SRPK2: variants seen among roughly 807,000 people sequenced by gnomAD.
SRPK2 encodes SFRS protein kinase 2.
Under a neutral mutation model 90.8 loss-of-function variants are expected in SRPK2, and 21 were observed. That is an observed-to-expected ratio of 0.23 (90% CI 0.16 to 0.33). SRPK2 has a LOEUF of 0.33. Among genes scored for constraint, SRPK2 ranks in the 10% least tolerant of loss-of-function variants. The pLI is 1.00. For synonymous variants in SRPK2, 288 were observed against 311.1 expected (o/e 0.93, Z 0.78); for missense variants, 620 against 869.0 (o/e 0.71, Z 3.60).
chr7:105,301,675 G>A, intron 2 of SRPK2: 13 of 1,611,464 alleles, frequency 8.1e-6, no homozygotes, highest in Non-Finnish European at 1.1e-5. Flanking sequence ...TTCCTGGACA[G>A]AAACATATCC....
chr7:105,396,764 G>A (rs1316530753), intron 1 of SRPK2, among the ~76,000 whole-genome samples: 2 of 141,970 alleles, frequency 1.4e-5, no homozygotes, highest in African/African-American at 5.6e-5. Context: ...AGAGGAAAGA[G>A]AGAGAAAGAA....
chr7:105,157,620 C>T (rs1806716693), intron 7 of SRPK2, among the ~76,000 whole-genome samples: 1 of 152,080 alleles, frequency 6.6e-6, no homozygotes, highest in African/African-American at 2.4e-5. Context: ...CACACAAAAC[C>T]AAAACCAAAC....
At chr7:105,363,303 T>C (rs917412836) in intron 2 of SRPK2, among the ~76,000 whole-genome samples, 5 of 152,046 alleles carry the variant, frequency 3.3e-5, no homozygotes, top group Non-Finnish European at 7.4e-5. Flanking sequence ...ATATCCAGAA[T>C]CTACAAAGAA....
intron 2 of SRPK2, among the ~76,000 whole-genome samples, chr7:105,378,923 T>C (rs1820617768): frequency 6.6e-6 from 1 of 152,050 alleles, no homozygotes; most frequent in South Asian, 2.1e-4. Flanking sequence ...TTTACACTTG[T>C]GGGAGAGTAA....
At chr7:105,166,661 C>T (rs959420648) in intron 6 of SRPK2, among the ~76,000 whole-genome samples, 1 of 152,098 alleles carries the variant, frequency 6.6e-6, no homozygotes, top group African/African-American at 2.4e-5. Context: ...AAGGTATTTT[C>T]GATCAAGCAC....
chr7:105,274,646 A>AG (rs953458640), intron 2 of SRPK2, among the ~76,000 whole-genome samples: 30 of 151,402 alleles, frequency 2.0e-4, no homozygotes, highest in African/African-American at 6.8e-4. Flanking sequence ...AAAGAAAGAA[A>AG]AAAAAAAAAC....
chr7:105,246,135 T>A (rs990401396), intron 2 of SRPK2, among the ~76,000 whole-genome samples: 5 of 152,182 alleles, frequency 3.3e-5, no homozygotes, highest in African/African-American at 7.2e-5. Flanking sequence ...ACATAGACCT[T>A]ACAAAATTTC....
intron 7 of SRPK2, among the ~76,000 whole-genome samples, chr7:105,159,127 G>C (rs1415108736): frequency 2.6e-5 from 4 of 151,982 alleles, no homozygotes; most frequent in Non-Finnish European, 4.4e-5. Context: ...ACAATGTAGT[G>C]AACTTTTCCC....
intron 2 of SRPK2, among the ~76,000 whole-genome samples, chr7:105,251,816 G>T (rs1310317716): frequency 6.6e-6 from 1 of 152,140 alleles, no homozygotes; most frequent in African/African-American, 2.4e-5. Flanking sequence ...CAAATTTGGG[G>T]GTTTTGTATT....
intron 2 of SRPK2, among the ~76,000 whole-genome samples, chr7:105,291,485 T>C (rs1387163513): frequency 6.6e-6 from 1 of 152,068 alleles, no homozygotes; most frequent in Non-Finnish European, 1.5e-5. Context: ...TCCCAGCACT[T>C]TGTGAGGCCG....
intron 2 of SRPK2, among the ~76,000 whole-genome samples, chr7:105,208,986 T>A (rs1397833673): frequency 6.6e-6 from 1 of 151,334 alleles, no homozygotes; most frequent in Non-Finnish European, 1.5e-5. Flanking sequence ...TTTAAAAAAA[T>A]AAAAGAAAAC....
intron 2 of SRPK2, among the ~76,000 whole-genome samples, chr7:105,257,394 C>G (rs2129637347): frequency 6.6e-6 from 1 of 152,294 alleles, no homozygotes; most frequent in Middle Eastern, 3.4e-3. Context: ...ATTGCTGGAG[C>G]AGAAGAGGAT....
intron 2 of SRPK2, among the ~76,000 whole-genome samples, chr7:105,305,340 G>A (rs917940489): frequency 1.3e-5 from 2 of 152,126 alleles, no homozygotes; most frequent in East Asian, 3.9e-4. Flanking sequence ...CAGCTACTGG[G>A]GAGGCTGAGG....
intron 2 of SRPK2, among the ~76,000 whole-genome samples, chr7:105,353,341 T>G (rs759417080): frequency 1.1e-4 from 17 of 151,974 alleles, no homozygotes; most frequent in Non-Finnish European, 2.5e-4. Flanking sequence ...AATGGTTTTG[T>G]TTTTTTGTGT....
intron 3 of SRPK2, among the ~76,000 whole-genome samples, chr7:105,170,945 AAG>A (rs1458833164): frequency 2.5e-5 from 1 of 40,210 alleles, no homozygotes; most frequent in South Asian, 8.1e-4. Flanking sequence ...GAAAGAAAGA[AAG>A]AAAGAAAGAA....
intron 13 of SRPK2, among the ~76,000 whole-genome samples, chr7:105,130,896 T>C (rs1175505126): frequency 6.6e-6 from 1 of 152,068 alleles, no homozygotes; most frequent in Non-Finnish European, 1.5e-5. Flanking sequence ...GCTTAATTCT[T>C]GGGAAGGGGG....
chr7:105,241,503 T>C (rs1800813212), intron 2 of SRPK2, among the ~76,000 whole-genome samples: 1 of 152,176 alleles, frequency 6.6e-6, no homozygotes, highest in South Asian at 2.1e-4. Flanking sequence ...GACTGTCCCC[T>C]TAAATCCTCA....
At position 105,160,144 on chromosome 7, in the gene SRPK2, A is replaced by T. The variant is rs575035813; in HGVS notation, c.621+363T>A. Among the ~76,000 whole-genome samples the T allele has an allele frequency of 1.4e-3, 211 of 152,326 alleles. 3 individuals carry two copies. The highest frequency in any genetic ancestry group is 0.014 in the Middle Eastern group (4 of 294). Reference sequence around the variant, plus strand: ...AATCTCCATCCAAGGATACTTAGTAAATAAACCCAGTAAGTTATTTCTTCT... The same window carrying T: ...AATCTCCATCCAAGGATACTTAGTATATAAACCCAGTAAGTTATTTCTTCT... On this transcript the variant is annotated intron_variant, in intron 7 of 15. Coordinates refer to ENST00000393651, the MANE Select transcript of SRPK2 (RefSeq NM_182692.3).
At chr7:105,245,766 G>A (rs996047493) in intron 2 of SRPK2, among the ~76,000 whole-genome samples, 6 of 152,108 alleles carry the variant, frequency 3.9e-5, no homozygotes, top group Non-Finnish European at 5.9e-5. Flanking sequence ...AGAGTGCGGT[G>A]GTTATTCACA....
Sources: allele counts gnomAD v4.1 joint callset (sites outside exome capture counted in the v4.1 genomes callset), GRCh38; gene constraint gnomAD v4.1.1; transcripts MANE v1.5; gene names NCBI Gene and HGNC (gene_info 2026-07-23, HGNC 2026-07-21).